Variants in TERF2 observed in about 807,000 individuals in gnomAD.
TERF2 encodes telomeric repeat-binding factor 2.
Under a neutral mutation model 56.1 loss-of-function variants are expected in TERF2, and 16 were observed. That is an observed-to-expected ratio of 0.29 (90% CI 0.19 to 0.43). The LOEUF is 0.43. TERF2 is among the 20% of genes least tolerant of loss of function. The probability of loss-of-function intolerance (pLI) is 1.00; values close to 1 mark genes in which losing one functional copy is unlikely to be tolerated. For missense variants in TERF2, 547 were observed against 712.9 expected (o/e 0.77, Z 2.65); for synonymous variants, 296 against 282.1 (o/e 1.05, Z -0.50).
At position 69,368,491 on chromosome 16, in the gene TERF2, G is replaced by A; in HGVS notation, c.841-9C>T. ...AAAGCCTTTTTGGCCATCTGGGAAAGGAAGGATGTCATCAGGAAGAAGAGG... is the reference window on the plus strand; with the variant it reads ...AAAGCCTTTTTGGCCATCTGGGAAAAGAAGGATGTCATCAGGAAGAAGAGG... On this transcript the variant is annotated splice_polypyrimidine_tract_variant and intron_variant, in intron 5 of 9. Coordinates refer to ENST00000254942, the MANE Select transcript of TERF2 (RefSeq NM_005652.5). 1.2e-6 allele frequency: 2 copies of A among 1,613,994 alleles called. No individual in the cohort carries two copies.
chr16:69,356,377 TGCC>T lies in TERF2; in HGVS notation c.*518_*520del, dbSNP rs2142694302. ...GCACAAGCTGTGTGCCTGTCATCTC[TGCC>T]AAGGACATGGGTGGACTTGGCTCTG... On this transcript the variant is annotated 3_prime_UTR_variant, in exon 10 of 10. Coordinates refer to ENST00000254942, the MANE Select transcript of TERF2 (RefSeq NM_005652.5). 1 of 329,240 alleles carries T rather than the reference TGCC, an allele frequency of 3.0e-6. No homozygotes were observed. The highest frequency in any genetic ancestry group is 9.0e-5 in the East Asian group (1 of 11,172). The allele number at this position is 329,240 out of a possible 1,614,324, so 20.4% of individuals were successfully genotyped here. A position where few individuals can be genotyped will look rare whatever the true frequency, so the allele number is the denominator to read the frequency against.
intron 3 of TERF2, among the ~76,000 whole-genome samples, chr16:69,374,771 G>C (rs1188839703): frequency 6.7e-6 from 1 of 148,946 alleles, no homozygotes; most frequent in Non-Finnish European, 1.5e-5. Flanking sequence ...TTCAAGACCA[G>C]CCTGGTCAGC....
chr16:69,384,439 G>A (rs992603265), intron 3 of TERF2, 141 bp downstream of exon 3: 4 of 859,986 alleles, frequency 4.7e-6, no homozygotes, highest in Admixed American at 3.1e-5. Context: ...AAGAAATAAC[G>A]TCTGTGTGTG....
Position 69,356,810 on chromosome 16 carries a change from A to AAAAAAG in TERF2, c.*82_*87dup, listed in dbSNP as rs1372027567. 7 of 1,450,146 alleles carry AAAAAAG rather than the reference A, an allele frequency of 4.8e-6. No homozygotes were observed. In the Admixed American group the frequency reaches 1.7e-4, roughly 35 times the overall value. The allele number at this position is 1,450,146 out of a possible 1,614,324, so 89.8% of individuals were successfully genotyped here. A position where few individuals can be genotyped will look rare whatever the true frequency, so the allele number is the denominator to read the frequency against. On this transcript the variant is annotated 3_prime_UTR_variant, in exon 10 of 10. Coordinates refer to ENST00000254942, the MANE Select transcript of TERF2 (RefSeq NM_005652.5). ...GCGAGACTCTGTCTCAAAAAAAAAA[A>AAAAAAG]AAAAAGAAAAAGAAAGAAAGAGCAG... is the stretch of plus-strand genomic sequence containing the variant.
At chr16:69,385,521 C>G in intron 1 of TERF2, 35 bp from the exon 2 acceptor site, 1 of 1,613,026 alleles carries the variant, frequency 6.2e-7, no homozygotes, top group Non-Finnish European at 8.5e-7. Context: ...GGGCGACCCC[C>G]AGTCCCGACT....
chr16:69,367,987 C>A (rs1412390639), intron 6 of TERF2, among the ~76,000 whole-genome samples: 2 of 152,210 alleles, frequency 1.3e-5, no homozygotes, highest in African/African-American at 4.8e-5. Context: ...GTTTCCTAAC[C>A]GGCCCTCAAA....
chr16:69,363,748 C>T (rs1428838288), intron 7 of TERF2, among the ~76,000 whole-genome samples: 2 of 152,176 alleles, frequency 1.3e-5, no homozygotes, highest in Non-Finnish European at 2.9e-5. Flanking sequence ...GCAGGTGGAT[C>T]GCTTATTAAG....
intron 3 of TERF2, among the ~76,000 whole-genome samples, chr16:69,377,706 T>C (rs1219114295): frequency 3.9e-5 from 6 of 152,242 alleles, no homozygotes; most frequent in Non-Finnish European, 8.8e-5. Flanking sequence ...GTAAATGGCA[T>C]TGTGTTGGTA....
At chr16:69,366,027 G>T (rs763314249) in intron 7 of TERF2, 1 of 152,172 alleles carries the variant, frequency 6.6e-6, no homozygotes, top group Non-Finnish European at 1.5e-5. Flanking sequence ...CACAGAGTGA[G>T]GATTGTAGTG....
intron 5 of TERF2, 119 bp from the exon 6 acceptor site, chr16:69,368,601 C>A: frequency 6.5e-7 from 1 of 1,545,408 alleles, no homozygotes; most frequent in East Asian, 2.4e-5. Flanking sequence ...CCAATCTAGG[C>A]ATAAAACGAA....
Position 69,356,016 on chromosome 16 carries a change from T to C in TERF2, c.*882A>G. On this transcript the variant is annotated 3_prime_UTR_variant, in exon 10 of 10. Transcript: ENST00000254942. The stretch of plus-strand genomic sequence containing the variant: ...TAACCTGCCTACATAGCCCAGCAGA[T>C]GTTGACAGCAAATGCCAAGGCAGAC... 3.2e-6 allele frequency: 1 copy of C among 308,022 alleles called. No homozygotes were observed. The highest frequency in any genetic ancestry group is 6.4e-6 in the Non-Finnish European group (1 of 155,146). The allele number at this position is 308,022 out of a possible 1,614,324, so 19.1% of individuals were successfully genotyped here. A position where few individuals can be genotyped will look rare whatever the true frequency, so the allele number is the denominator to read the frequency against.
intron 5 of TERF2, 186 bp from the exon 6 acceptor site, chr16:69,368,668 A>G: frequency 6.9e-7 from 1 of 1,440,396 alleles, no homozygotes; most frequent in Non-Finnish European, 9.3e-7. Flanking sequence ...TTTTATTCAA[A>G]CTTAAGATAA....
At position 69,356,911 on chromosome 16, in the gene TERF2, A is replaced by C; in HGVS notation, c.1616T>G (p.Leu539Arg). 1 of 1,612,960 alleles carries C rather than the reference A, an allele frequency of 6.2e-7. No individual in the cohort carries two copies. The highest frequency in any genetic ancestry group is 1.1e-5 in the South Asian group (1 of 90,838). ...TGAAAGCCTGTTTCAGTTCATGCCA[A>C]GTCTTTTCATGGTCCGCCAGCGATC... The part of the protein sequence containing the change: ...IKDRWRTMKR[L>R]GMN The change falls in exon 10 of 10, where the codon CTT becomes CGT. Residue 539 changes from leucine (L) to arginine (R), a missense_variant. Around this residue, in one of 6 missense-constraint regions of TERF2, gnomAD observed 33 missense variants for 69.9 expected, o/e 0.47. Transcript: ENST00000254942.
intron 3 of TERF2, among the ~76,000 whole-genome samples, chr16:69,379,909 G>C (rs2013932468): frequency 6.6e-6 from 1 of 151,964 alleles, no homozygotes; most frequent in Non-Finnish European, 1.5e-5. Context: ...GTGTTATTTT[G>C]GTAGAGTGGG....
intron 4 of TERF2, 51 bp downstream of exon 4, chr16:69,372,218 A>C: frequency 2.2e-6 from 3 of 1,345,384 alleles, no homozygotes; most frequent in South Asian, 2.6e-5. Context: ...TTCCCCACAA[A>C]AAGCAATGAG....
At position 69,363,831 on chromosome 16, in the gene TERF2, G is replaced by C. The variant is rs148056636; in HGVS notation, c.1341-2342C>G. ...AATATACAAAAATTAGCCAGGTGCG[G>C]TGGCACGCACCTGTGGTCCCAGTTA... On this transcript the variant is annotated intron_variant, in intron 7 of 9. Coordinates refer to ENST00000254942, the MANE Select transcript of TERF2 (RefSeq NM_005652.5). 2.0e-5 allele frequency among the ~76,000 whole-genome samples: 3 copies of C among 152,216 alleles called. No individual in the cohort carries two copies. The East Asian group carries it at 5.8e-4, about 29-fold the overall frequency.
rs745558067 is a variant in TERF2, at chr16:69,372,279, G to A, written c.683C>T (p.Pro228Leu). 2.5e-6 allele frequency: 4 copies of A among 1,605,970 alleles called. No homozygotes were observed. In the South Asian group the frequency reaches 3.4e-5, roughly 14 times the overall value. ...ATGTATCAAATTTACCTGAGTTGTG[G>A]GGTCCTTGGACATATGTTTTTTCAA... ...KILKKHMSKDPTTQKLRNDLL... is the reference protein window; with the variant it reads ...KILKKHMSKDLTTQKLRNDLL... The change falls in exon 4 of 10, where the codon CCC (proline) becomes CTC (leucine). Residue 228 changes from proline to leucine, a missense_variant. Coordinates refer to ENST00000254942, the MANE Select transcript of TERF2 (RefSeq NM_005652.5).
At chr16:69,377,206 A>C (rs2013826119) in intron 3 of TERF2, among the ~76,000 whole-genome samples, 1 of 151,960 alleles carries the variant, frequency 6.6e-6, no homozygotes, top group African/African-American at 2.4e-5. Context: ...CCATCTCAAA[A>C]AAAAAAAAAA....
chr16:69,385,958 G>A lies in TERF2; in HGVS notation c.14C>T (p.Ala5Val). MAAGAGTAGPASGPG... is the reference protein window; with the variant it reads MAAGVGTAGPASGPG... ...GCCGGAAGCGGGGCCCGCCGTCCCG[G>A]CTCCCGCGGCCATGATAGAAACAGC... is the stretch of plus-strand genomic sequence containing the variant. The change falls in exon 1 of 10, where the codon GCC (alanine) becomes GTC (valine). Residue 5 changes from alanine to valine, a missense_variant. By Grantham distance (64) the Ala-to-Val change is moderately conservative. Coordinates refer to ENST00000254942, the MANE Select transcript of TERF2 (RefSeq NM_005652.5). 2.2e-6 allele frequency: 3 copies of A among 1,357,366 alleles called. No homozygotes were observed. Among genetic ancestry groups the A allele is most frequent in the East Asian group, 3.1e-5 (1 of 32,154 alleles). 84.1% of individuals were successfully genotyped at this position (1,357,366 alleles called of 1,614,324 possible).
Sources: allele counts gnomAD v4.1 joint callset (sites outside exome capture counted in the v4.1 genomes callset), GRCh38; gene constraint gnomAD v4.1.1; regional missense constraint gnomAD v4.1.1; transcripts MANE v1.5; gene names NCBI Gene and HGNC (gene_info 2026-07-23, HGNC 2026-07-21).